The following DEPDC1 variants were observed in gnomAD, a reference collection of about 807,000 sequenced individuals.
DEPDC1 encodes the protein DEP domain-containing protein 1A.
DEPDC1 carries 66 observed loss-of-function variants against 86.8 expected under a neutral mutation model. The observed-to-expected ratio is 0.76, with a 90% CI of 0.62 to 0.93. The LOEUF is 0.93. Ranked by LOEUF, DEPDC1 falls within the 40% of genes least tolerant of loss-of-function variation. The pLI is 0.00. For missense variants in DEPDC1, 792 were observed against 935.7 expected, an observed-to-expected ratio of 0.85 and a Z score of 2.00; for synonymous variants, 255 against 314.9, an observed-to-expected ratio of 0.81 and a Z score of 2.02.
chr1:68,486,961 A>G lies in DEPDC1; in HGVS notation c.745T>C (p.Ser249Pro). 6.2e-7 allele frequency: 1 copy of G among 1,603,678 alleles called. No individual in the cohort carries two copies. Among genetic ancestry groups the G allele is most frequent in the East Asian group, 2.3e-5 (1 of 44,384 alleles). ...CAATTTGCTAGGCACTTCATGGCAGATAATACCCAGTGAGGGAGGTCATCT... is the reference window on the plus strand; with the variant it reads ...CAATTTGCTAGGCACTTCATGGCAGGTAATACCCAGTGAGGGAGGTCATCT... ...KSDDLPHWVL[S>P]AMKCLANWPR... Residue 249 changes from serine (S) to proline (P), a missense_variant, in exon 6 of 12, where the codon TCT becomes CCT. Physicochemically the swap from Ser to Pro is moderately conservative, Grantham distance 74. Transcript: ENST00000456315.
At chr1:68,494,120 C>CT (rs1385790433) in intron 2 of DEPDC1, among the ~76,000 whole-genome samples, 7 of 152,142 alleles carry the variant, frequency 4.6e-5, no homozygotes, top group Non-Finnish European at 1.0e-4. Flanking sequence ...AACTATGCAA[C>CT]TAAAGGTCAG....
In DEPDC1 at chr1:68,489,612, G is replaced by GAAACAA; in HGVS notation, c.315-5_315-4insTTGTTT. 6.5e-7 allele frequency: 1 copy of GAAACAA among 1,527,462 alleles called. No individual in the cohort carries two copies. The highest frequency in any genetic ancestry group is 8.7e-7 in the Non-Finnish European group (1 of 1,148,790). The allele number at this position is 1,527,462 out of a possible 1,614,324, so 94.6% of individuals were successfully genotyped here. A position where few individuals can be genotyped will look rare whatever the true frequency, so the allele number is the denominator to read the frequency against. Reference sequence around the variant, plus strand: ...AAGTGGCGAAGTTGCAGGAAATCTGGTTTAAAAACAATAAGCAATTAAATA... The same window carrying GAAACAA: ...AAGTGGCGAAGTTGCAGGAAATCTGGAAACAATTTAAAAACAATAAGCAATTAAATA... On this transcript the variant is annotated splice_polypyrimidine_tract_variant and splice_region_variant and intron_variant, in intron 2 of 11. Coordinates refer to ENST00000456315, the MANE Select transcript of DEPDC1 (RefSeq NM_001114120.3).
intron 6 of DEPDC1, among the ~76,000 whole-genome samples, chr1:68,484,519 C>T (rs1229899392): frequency 6.6e-6 from 1 of 151,840 alleles, no homozygotes; most frequent in African/African-American, 2.4e-5. Context: ...TAAATAATAT[C>T]TTTACATTGT....
At position 68,484,101 on chromosome 1, in the gene DEPDC1, G is replaced by C. The variant is rs1646176661; in HGVS notation, c.770-11C>G. On this transcript the variant is annotated splice_polypyrimidine_tract_variant and intron_variant, in intron 6 of 11. Transcript: ENST00000456315. The stretch of plus-strand genomic sequence containing the variant: ...CATTGCTTCTTGGCCCTAAGAAGTA[G>C]AAGGCAAGAGAAAAAGGTAAAGTAT... 1 of 1,523,262 alleles carries C rather than the reference G, an allele frequency of 6.6e-7. No homozygotes were observed. Among genetic ancestry groups the C allele is most frequent in the Non-Finnish European group, 8.8e-7 (1 of 1,140,394 alleles). 94.4% of individuals were successfully genotyped at this position (1,523,262 alleles called of 1,614,324 possible).
In DEPDC1 at chr1:68,481,511, G is replaced by A. The variant is rs200248484; in HGVS notation, c.1864C>T (p.Arg622Cys). 27 of 1,612,106 alleles carry A rather than the reference G, an allele frequency of 1.7e-5. No homozygotes were observed. The East Asian group carries it at 2.7e-4, about 16-fold the overall frequency. Reference sequence around the variant, plus strand: ...TTTTGACTCATTCGGGAAATCATACGCATTAAAAGTTGAAGCTTTCTACGA... The same window carrying A: ...TTTTGACTCATTCGGGAAATCATACACATTAAAAGTTGAAGCTTTCTACGA... ...PNRRKLQLLM[R>C]MISRMSQNVD... is the part of the protein sequence containing the mutation. The change falls in exon 9 of 12, where the codon CGT (arginine) becomes TGT (cysteine). Residue 622 changes from arginine (R) to cysteine (C), a missense_variant. By Grantham distance (180) the Arg-to-Cys change is radical. Transcript: ENST00000456315.
At chr1:68,481,635 C>CCCA in intron 8 of DEPDC1, 23 bp from the exon 9 acceptor site, 1 of 1,540,750 alleles carries the variant, frequency 6.5e-7, no homozygotes, top group Admixed American at 2.0e-5. Flanking sequence ...AATACCCCCC[C>CCCA]AAAAATCATC....
At chr1:68,492,060 T>C (rs1027156943) in intron 2 of DEPDC1, among the ~76,000 whole-genome samples, 2 of 151,928 alleles carry the variant, frequency 1.3e-5, no homozygotes, top group African/African-American at 4.8e-5. Context: ...CCTGGCCCCA[T>C]ACATCAAATT....
Position 68,484,497 on chromosome 1 carries a change from C to A in DEPDC1, c.770-407G>T, listed in dbSNP as rs12078245. Among the ~76,000 whole-genome samples the A allele has an allele frequency of 7.6e-3, 1,154 of 152,004 alleles. 12 individuals are homozygous for A. The highest frequency in any genetic ancestry group is 0.027 in the African/African-American group (1,110 of 41,500). Reference sequence around the variant, plus strand: ...ATATTTTGTCTGACATGAAGCATAGCCTTAATGAATTTAAATAATATCTTT... The same window carrying A: ...ATATTTTGTCTGACATGAAGCATAGACTTAATGAATTTAAATAATATCTTT... On this transcript the variant is annotated intron_variant, in intron 6 of 11. Transcript: ENST00000456315.
intron 6 of DEPDC1, among the ~76,000 whole-genome samples, 176 bp from the exon 7 acceptor site, chr1:68,484,266 GA>G (rs1443605410): frequency 1.3e-5 from 2 of 151,976 alleles, no homozygotes; most frequent in African/African-American, 4.8e-5. Flanking sequence ...CTTTCCACTG[GA>G]AGCAGTCAAT....
At chr1:68,486,154 C>T (rs1465016027) in intron 6 of DEPDC1, among the ~76,000 whole-genome samples, 5 of 152,014 alleles carry the variant, frequency 3.3e-5, no homozygotes, top group Non-Finnish European at 5.9e-5. Flanking sequence ...AAATCTCATG[C>T]CAAATTGGTA....
chr1:68,488,083 T>A (rs1398135573), intron 5 of DEPDC1, among the ~76,000 whole-genome samples: 3 of 151,874 alleles, frequency 2.0e-5, no homozygotes, highest in Non-Finnish European at 4.4e-5. Context: ...TCAACAAAAA[T>A]GTGCTTAATC....
rs760986385 is a variant in DEPDC1, at chr1:68,486,328, T to C, written c.769+609A>G. Among the ~76,000 whole-genome samples the C allele has an allele frequency of 4.9e-4, 75 of 152,142 alleles. 1 individual carries two copies. The highest frequency in any genetic ancestry group is 7.4e-4 in the Non-Finnish European group (50 of 67,982). On this transcript the variant is annotated intron_variant, in intron 6 of 11. Transcript: ENST00000456315. ...CAACCTTCCTCCTGCTCCAGCCATG[T>C]AAGACATGCCTGCTTCCCCTCCACC... is the stretch of plus-strand genomic sequence containing the variant.
In DEPDC1 at chr1:68,482,420, T is replaced by C. The variant is rs372848290; in HGVS notation, c.1388A>G (p.Gln463Arg). The C allele has an allele frequency of 3.2e-5, 51 of 1,612,776 alleles. No individual in the cohort carries two copies. In the African/African-American group the frequency reaches 6.0e-4, roughly 19 times the overall value. The change falls in exon 8 of 12, where the codon CAG (glutamine) becomes CGG (arginine). Residue 463 changes from glutamine to arginine, a missense_variant. Physicochemically the swap from Gln to Arg is conservative, Grantham distance 43. Coordinates refer to ENST00000456315, the MANE Select transcript of DEPDC1 (RefSeq NM_001114120.3). The stretch of plus-strand genomic sequence containing the variant: ...TGAATGAAGATTCAACAGGAATTCC[T>C]GTTTGGGCTTAGACTCTAAAAACAG... ...NKLFLESKPK[Q>R]EFLLNLHSEE...
At chr1:68,485,190 ACT>A (rs1646185241) in intron 6 of DEPDC1, among the ~76,000 whole-genome samples, 1 of 142,130 alleles carries the variant, frequency 7.0e-6, no homozygotes, top group Non-Finnish European at 1.6e-5. Context: ...ACACACACAC[ACT>A]CTTAACAACA....
rs202089723 is a variant in DEPDC1, at chr1:68,482,163, T to G, written c.1645A>C (p.Met549Leu). Residue 549 changes from methionine (M) to leucine (L), a missense_variant, in exon 8 of 12, where the codon ATG (methionine) becomes CTG (leucine). Transcript: ENST00000456315. ...GQGSTSVQTA[M>L]ESELGESSAT... ...CTAGACTCTCCGAGTTCACTTTCCA[T>G]AGCTGTTTGCACACTTGTGCTGCCT... is the stretch of plus-strand genomic sequence containing the variant. The G allele has an allele frequency of 9.1e-5, 147 of 1,613,014 alleles. No individual in the cohort carries two copies. In the African/African-American group the frequency reaches 1.7e-3, roughly 19 times the overall value.
Position 68,482,281 on chromosome 1 carries a change from C to A in DEPDC1, c.1527G>T (p.Arg509Ser). The A allele has an allele frequency of 3.1e-6, 5 of 1,612,678 alleles. No homozygotes were observed. Among genetic ancestry groups the A allele is most frequent in the Non-Finnish European group, 4.2e-6 (5 of 1,179,186 alleles). Residue 509 changes from arginine (R) to serine (S), a missense_variant, in exon 8 of 12, where the codon AGG becomes AGT. Transcript: ENST00000456315. ...NGKCKSKQLC[R>S]SQSLLLRSST... is the part of the protein sequence containing the mutation. ...TACTTCTTAAAAGCAAACTCTGAGACCTACAAAGCTGTTTTGACTTGCATT... is the reference window on the plus strand; with the variant it reads ...TACTTCTTAAAAGCAAACTCTGAGAACTACAAAGCTGTTTTGACTTGCATT...
In DEPDC1 at chr1:68,488,510, T is replaced by C. The variant is rs1646208209; in HGVS notation, c.591-6A>G. 5.0e-6 allele frequency: 8 copies of C among 1,597,884 alleles called. No individual in the cohort carries two copies. The highest frequency in any genetic ancestry group is 2.7e-5 in the African/African-American group (2 of 74,032). On this transcript the variant is annotated splice_polypyrimidine_tract_variant and splice_region_variant and intron_variant, in intron 4 of 11. Transcript: ENST00000456315. ...CACCTAAAATGGTTTGCAGGCTAAA[T>C]AGAAGAAAGAATATTAACTTTTTTT...
At position 68,489,039 on chromosome 1, in the gene DEPDC1, A is replaced by G. The variant is rs1299456864; in HGVS notation, c.472-5T>C. 1.3e-6 allele frequency: 2 copies of G among 1,574,534 alleles called. No homozygotes were observed. Among genetic ancestry groups the G allele is most frequent in the Non-Finnish European group, 1.7e-6 (2 of 1,147,026 alleles). ...CTTTATTTTCTCGCCATTTTCCTGA[A>G]AAAAGGATTATTTTGGTTTAATCTG... is the stretch of plus-strand genomic sequence containing the variant. On this transcript the variant is annotated splice_region_variant and splice_polypyrimidine_tract_variant and intron_variant, in intron 3 of 11. Transcript: ENST00000456315.
chr1:68,496,795 C>G lies in DEPDC1; in HGVS notation c.48+157G>C, dbSNP rs1646268832. Reference sequence around the variant, plus strand: ...CGGTGAGTCTGGCAAGGGTTGCATACCCGCTACTTCTCCTCGCCAGCCTTT... The same window carrying G: ...CGGTGAGTCTGGCAAGGGTTGCATAGCCGCTACTTCTCCTCGCCAGCCTTT... On this transcript the variant is annotated intron_variant, in intron 1 of 11. Coordinates refer to ENST00000456315, the MANE Select transcript of DEPDC1 (RefSeq NM_001114120.3). The surrounding 1 kb of genome is among the most constrained non-coding windows in gnomAD (Gnocchi z 4.0). The G allele has an allele frequency of 1.1e-5, 8 of 727,142 alleles. No individual in the cohort carries two copies. The highest frequency in any genetic ancestry group is 1.6e-5 in the Non-Finnish European group (7 of 427,336). 45.0% of individuals were successfully genotyped at this position (727,142 alleles called of 1,614,324 possible). A position where few individuals can be genotyped will look rare whatever the true frequency, so the allele number is the denominator to read the frequency against.
Sources: allele counts gnomAD v4.1 joint callset (sites outside exome capture counted in the v4.1 genomes callset), GRCh38; gene constraint gnomAD v4.1.1; non-coding constraint Gnocchi (gnomAD v3.1); transcripts MANE v1.5; gene names NCBI Gene and HGNC (gene_info 2026-07-23, HGNC 2026-07-21).